OTOG: variants seen among roughly 807,000 people sequenced by gnomAD.
OTOG encodes the protein otogelin.
OTOG carries 296 observed loss-of-function variants against 313.8 expected under a neutral mutation model. That is an observed-to-expected ratio of 0.94 (90% CI 0.86 to 1.04). The LOEUF is 1.04. Among genes scored for constraint, OTOG ranks in the 50% least tolerant of loss-of-function variants. OTOG has a pLI of 0.00. For synonymous variants in OTOG, 1,533 were observed against 1,554.9 expected, an observed-to-expected ratio of 0.99 and a Z score of 0.33; for missense variants, 3,948 against 3,840.1, an observed-to-expected ratio of 1.03 and a Z score of -0.74.
intron 27 of OTOG, 138 bp downstream of exon 27, chr11:17,593,894 T>C: frequency 7.2e-7 from 1 of 1,390,806 alleles, no homozygotes; most frequent in South Asian, 1.4e-5. Context: ...TCTGGGCCCC[T>C]TCTCCTCTGA....
chr11:17,630,664 T>C (rs1357646281), intron 40 of OTOG, among the ~76,000 whole-genome samples: 2 of 152,166 alleles, frequency 1.3e-5, no homozygotes, highest in Admixed American at 6.5e-5. Flanking sequence ...CAATCTTTTG[T>C]GAAAGGCTGA....
intron 32 of OTOG, among the ~76,000 whole-genome samples, chr11:17,603,578 A>G (rs2134077468): frequency 6.6e-6 from 1 of 152,182 alleles, no homozygotes; most frequent in South Asian, 2.1e-4. Flanking sequence ...CCTGGGTCTC[A>G]TGGGCCCAGT....
At position 17,582,229 on chromosome 11, in the gene OTOG, A is replaced by T. The variant is rs146444959; in HGVS notation, c.2759+3703A>T. Among the ~76,000 whole-genome samples the T allele has an allele frequency of 7.2e-3, 1,100 of 152,258 alleles. 9 individuals carry two copies. The highest frequency in any genetic ancestry group is 0.012 in the Non-Finnish European group (802 of 68,012). On this transcript the variant is annotated intron_variant, in intron 23 of 55. Coordinates refer to ENST00000399397, the MANE Select transcript of OTOG (RefSeq NM_001292063.2). ...TCCTACCCCTGTGAGTGCTAGGCAA[A>T]CACTGGCCGGCTTTTTGTCACTATA...
chr11:17,612,969 C>T (rs527785465), intron 38 of OTOG, among the ~76,000 whole-genome samples: 2 of 152,288 alleles, frequency 1.3e-5, no homozygotes, highest in African/African-American at 4.8e-5. Flanking sequence ...AGTGTGCCAC[C>T]TCCTGGCCCC....
chr11:17,586,160 G>C (rs1349491165), intron 23 of OTOG, among the ~76,000 whole-genome samples: 1 of 152,196 alleles, frequency 6.6e-6, no homozygotes, highest in African/African-American at 2.4e-5. Flanking sequence ...CTGTTCATTA[G>C]TATACAACTA....
intron 40 of OTOG, among the ~76,000 whole-genome samples, chr11:17,629,534 C>A (rs947879831): frequency 6.6e-6 from 1 of 152,344 alleles, no homozygotes; most frequent in Non-Finnish European, 1.5e-5. Context: ...CCAGTTGTCA[C>A]TTCAGCCGGG....
At chr11:17,553,649 C>A in intron 6 of OTOG, 130 bp downstream of exon 6, 1 of 866,688 alleles carries the variant, frequency 1.2e-6, no homozygotes, top group Non-Finnish European at 1.6e-6. Context: ...CCAGCTCCCA[C>A]CCAGGCAGTC....
At chr11:17,554,716 C>G (rs951850907) in intron 6 of OTOG, among the ~76,000 whole-genome samples, 1 of 152,248 alleles carries the variant, frequency 6.6e-6, no homozygotes, top group African/African-American at 2.4e-5. Flanking sequence ...TTTCCTCTCT[C>G]TGCCTCGGCC....
At chr11:17,561,032 C>T in intron 13 of OTOG, 59 bp from the exon 14 acceptor site, 1 of 1,533,624 alleles carries the variant, frequency 6.5e-7, no homozygotes, top group Non-Finnish European at 8.8e-7. Flanking sequence ...TGCAGTTTCC[C>T]AGCATCTAGC....
chr11:17,630,446 A>G (rs1291251221), intron 40 of OTOG, among the ~76,000 whole-genome samples: 1 of 152,200 alleles, frequency 6.6e-6, no homozygotes, highest in Non-Finnish European at 1.5e-5. Context: ...GGGAACCATT[A>G]ATAATATATT....
intron 2 of OTOG, 70 bp from the exon 3 acceptor site, chr11:17,548,082 G>A (rs1397453300): frequency 2.0e-5 from 29 of 1,484,492 alleles, no homozygotes; most frequent in Non-Finnish European, 2.6e-5. Context: ...GGGTGGGATA[G>A]GCCAGGGGAC....
intron 12 of OTOG, 82 bp from the exon 13 acceptor site, chr11:17,560,626 CT>C: frequency 2.1e-6 from 2 of 961,520 alleles, no homozygotes; most frequent in South Asian, 2.9e-5. Flanking sequence ...ATAAGGGGAT[CT>C]TTATCAGAGG....
intron 40 of OTOG, among the ~76,000 whole-genome samples, chr11:17,630,063 G>A (rs1009839009): frequency 2.6e-5 from 4 of 152,110 alleles, no homozygotes; most frequent in African/African-American, 9.6e-5. Flanking sequence ...ATGCCCCTCT[G>A]CATCCAAATT....
intron 51 of OTOG, 62 bp downstream of exon 51, chr11:17,641,153 T>A: frequency 2.0e-6 from 3 of 1,481,450 alleles, no homozygotes; most frequent in South Asian, 2.6e-5. Context: ...AGACCTTGGG[T>A]GCTCCAGGAG....
At chr11:17,633,587 G>A (rs1431541428) in intron 42 of OTOG, 93 bp from the exon 43 acceptor site, 2 of 1,206,032 alleles carry the variant, frequency 1.7e-6, no homozygotes, top group African/African-American at 3.1e-5. Flanking sequence ...GACACTCTGA[G>A]CCCTCTCCTC....
chr11:17,550,568 G>GTTGTCTCA (rs986667065), intron 3 of OTOG, among the ~76,000 whole-genome samples: 5 of 152,176 alleles, frequency 3.3e-5, no homozygotes, highest in Non-Finnish European at 7.4e-5. Flanking sequence ...TGCATCACAG[G>GTTGTCTCA]TTGTCTCATC....
At position 17,612,162 on chromosome 11, in the gene OTOG, C is replaced by A; in HGVS notation, c.6124C>A (p.Pro2042Thr). 1.3e-6 allele frequency: 2 copies of A among 1,549,308 alleles called. No homozygotes were observed. The highest frequency in any genetic ancestry group is 1.2e-5 in the South Asian group (1 of 84,064). ...CACACTTCCTCCACTCTGTACCCAGCCAATCGCCGAGCAGGACTGCGTCCG... is the reference window on the plus strand; with the variant it reads ...CACACTTCCTCCACTCTGTACCCAGACAATCGCCGAGCAGGACTGCGTCCG... ...TEANTSTTCV[P>T]IAEQDCVRHI... The change falls in exon 37 of 56, where the codon CCA (proline) becomes ACA (threonine). Residue 2042 changes from proline to threonine, a missense_variant and splice_region_variant. Transcript: ENST00000399397.
At chr11:17,620,353 G>T (rs999580473) in intron 39 of OTOG, among the ~76,000 whole-genome samples, 1 of 152,140 alleles carries the variant, frequency 6.6e-6, no homozygotes, top group African/African-American at 2.4e-5. Context: ...CTGACCTTTT[G>T]TGTCTGGCTT....
chr11:17,571,208 C>T (rs1165010700), intron 17 of OTOG, among the ~76,000 whole-genome samples: 2 of 152,218 alleles, frequency 1.3e-5, no homozygotes, highest in Admixed American at 1.3e-4. Flanking sequence ...TTCTACTATG[C>T]TTTGCCTAGT....
Sources: allele counts gnomAD v4.1 joint callset (sites outside exome capture counted in the v4.1 genomes callset), GRCh38; gene constraint gnomAD v4.1.1; transcripts MANE v1.5; gene names NCBI Gene and HGNC (gene_info 2026-07-23, HGNC 2026-07-21).